ROBO2: variants seen among roughly 807,000 people sequenced by gnomAD.
ROBO2 encodes roundabout homolog 2.
A neutral mutation model predicts 160.8 loss-of-function variants in ROBO2; 53 were observed. The observed-to-expected ratio is 0.33, with a 90% CI of 0.26 to 0.41. ROBO2 has a LOEUF of 0.41. ROBO2 is among the 10% of genes least tolerant of loss of function. The pLI, the probability that ROBO2 is intolerant of heterozygous loss-of-function variation, is 1.00. For synonymous variants in ROBO2, 664 were observed against 611.7 expected (o/e 1.09, Z -1.26); for missense variants, 1,577 against 1,722.4 (o/e 0.92, Z 1.49).
Position 77,164,600 on chromosome 3 carries a change from T to C in ROBO2, c.388+66260T>C, listed in dbSNP as rs867291363. 1.6e-3 allele frequency among the ~76,000 whole-genome samples: 128 copies of C among 78,800 alleles called. 1 individual carries two copies. Among genetic ancestry groups the C allele is most frequent in the South Asian group, 3.4e-3 (8 of 2,350 alleles). The allele number at this position is 78,800 out of a possible 152,430, so 51.7% of individuals were successfully genotyped here. On this transcript the variant is annotated intron_variant, in intron 2 of 25. Coordinates refer to ENST00000461745, the Ensembl canonical transcript of ROBO2. The stretch of plus-strand genomic sequence containing the variant: ...GAGGTGAGGGGCGCCTCTGCCCGGC[T>C]GCCCCTACTGGGAAGTGAGGAGCCC...
At chr3:77,358,525 A>C (rs1463635392) in intron 2 of ROBO2, among the ~76,000 whole-genome samples, 1 of 152,232 alleles carries the variant, frequency 6.6e-6, no homozygotes, top group African/African-American at 2.4e-5. Context: ...CAGGAAAAAC[A>C]CAATAAGGCA....
intron 5 of ROBO2, among the ~76,000 whole-genome samples, chr3:77,503,397 G>T (rs371824426): frequency 2.0e-5 from 3 of 151,058 alleles, no homozygotes; most frequent in African/African-American, 7.3e-5. Flanking sequence ...TGGTGGCGGC[G>T]CCTGTAGTCC....
intron 2 of ROBO2, among the ~76,000 whole-genome samples, chr3:76,758,076 T>C (rs2061084984): frequency 6.6e-6 from 1 of 151,782 alleles, no homozygotes; most frequent in Admixed American, 6.6e-5. Flanking sequence ...AATATTTCAT[T>C]AAAGGCAGTT....
intron 2 of ROBO2, among the ~76,000 whole-genome samples, chr3:76,889,758 A>C (rs967509490): frequency 3.9e-5 from 6 of 152,222 alleles, no homozygotes; most frequent in African/African-American, 1.4e-4. Context: ...TAATTTTATA[A>C]GAAAATTGGA....
At position 76,450,019 on chromosome 3, in the gene ROBO2, C is replaced by T. The variant is rs77628337; in HGVS notation, c.109+512417C>T. ...TCTGATAATTGGAAAAGTCATTTAT[C>T]GAAATAATCTTCATCATCAAGAACA... On this transcript the variant is annotated intron_variant, in intron 2 of 26. Coordinates refer to the ROBO2 transcript ENST00000487694. Among the ~76,000 whole-genome samples the T allele has an allele frequency of 1.0e-3, 158 of 152,236 alleles. 3 individuals are homozygous for T. In the East Asian group the frequency reaches 0.021, roughly 21 times the overall value.
At chr3:77,583,587 T>A (rs1006525989) in intron 16 of ROBO2, among the ~76,000 whole-genome samples, 2 of 152,156 alleles carry the variant, frequency 1.3e-5, no homozygotes, top group African/African-American at 4.8e-5. Flanking sequence ...ATTAAGTCCA[T>A]ACACCTATTG....
intron 2 of ROBO2, among the ~76,000 whole-genome samples, chr3:76,761,343 A>G (rs1433043927): frequency 1.3e-5 from 2 of 151,728 alleles, no homozygotes; most frequent in Non-Finnish European, 2.9e-5. Context: ...GAGCATTTAC[A>G]TCTCCTTGCA....
At chr3:76,135,289 C>G (rs906765499) in intron 2 of ROBO2, among the ~76,000 whole-genome samples, 1 of 152,044 alleles carries the variant, frequency 6.6e-6, no homozygotes, top group Admixed American at 6.6e-5. Context: ...TTTTAATATA[C>G]CCGTCAAGGT....
intron 2 of ROBO2, among the ~76,000 whole-genome samples, chr3:76,948,874 TTATATATATATA>T (rs71104642): frequency 1.2e-4 from 6 of 48,616 alleles, no homozygotes; most frequent in Admixed American, 6.1e-4. Context: ...CCGGCTAATT[TTATATATATATA>T]TATATATATA....
intron 2 of ROBO2, among the ~76,000 whole-genome samples, chr3:77,109,995 A>G (rs1267529926): frequency 1.3e-5 from 2 of 152,234 alleles, no homozygotes; most frequent in East Asian, 1.9e-4. Flanking sequence ...GATTCCTGGG[A>G]TATGACGGAA....
chr3:76,259,256 C>T (rs934816745), intron 2 of ROBO2, among the ~76,000 whole-genome samples: 1 of 151,970 alleles, frequency 6.6e-6, no homozygotes, highest in Non-Finnish European at 1.5e-5. Context: ...TCAGAAATTA[C>T]AGTAAATTAA....
At chr3:76,050,532 A>G (rs1422432575) in intron 2 of ROBO2, among the ~76,000 whole-genome samples, 1 of 152,122 alleles carries the variant, frequency 6.6e-6, no homozygotes, top group Non-Finnish European at 1.5e-5. Flanking sequence ...CTATCCTATT[A>G]GTCCTGTCCC....
chr3:76,971,482 AGAT>A (rs1444947696), intron 2 of ROBO2, among the ~76,000 whole-genome samples: 2 of 152,182 alleles, frequency 1.3e-5, no homozygotes, highest in Non-Finnish European at 2.9e-5. Context: ...TTTATATGTC[AGAT>A]GATGTATTAA....
At chr3:76,113,336 A>C (rs2070322916) in intron 2 of ROBO2, among the ~76,000 whole-genome samples, 1 of 152,072 alleles carries the variant, frequency 6.6e-6, no homozygotes, top group Admixed American at 6.6e-5. Context: ...TAAAAATCTG[A>C]ATATTAATTT....
chr3:75,950,749 TC>T (rs1353967068), intron 2 of ROBO2, among the ~76,000 whole-genome samples: 1 of 152,012 alleles, frequency 6.6e-6, no homozygotes, highest in Admixed American at 6.6e-5. Flanking sequence ...TCCTCTCACT[TC>T]CCAAGGCTGT....
intron 2 of ROBO2, among the ~76,000 whole-genome samples, chr3:77,370,331 G>A (rs937505669): frequency 6.6e-6 from 1 of 152,154 alleles, no homozygotes; most frequent in Non-Finnish European, 1.5e-5. Context: ...CCTTACATTG[G>A]AGTCTCCTTA....
At chr3:77,031,709 T>A (rs1390483779) in intron 2 of ROBO2, among the ~76,000 whole-genome samples, 1 of 147,140 alleles carries the variant, frequency 6.8e-6, no homozygotes, top group African/African-American at 2.5e-5. Flanking sequence ...TAATACATTA[T>A]AATTATATTA....
chr3:77,596,953 A>G (rs113977265), intron 19 of ROBO2, among the ~76,000 whole-genome samples: 3 of 152,226 alleles, frequency 2.0e-5, no homozygotes, highest in African/African-American at 7.2e-5. Context: ...CTTGAGTAAA[A>G]CCAAACTTTT....
intron 2 of ROBO2, among the ~76,000 whole-genome samples, chr3:76,615,243 CT>C (rs2088486623): frequency 6.6e-6 from 1 of 151,932 alleles, no homozygotes; most frequent in African/African-American, 2.4e-5. Flanking sequence ...TATTATTTTG[CT>C]TTTGAAAATC....
Sources: gnomAD v4.1 joint callset for allele counts (sites outside exome capture counted in the v4.1 genomes callset) on GRCh38, gnomAD v4.1.1 for gene constraint, MANE v1.5 for transcripts, NCBI Gene and HGNC (gene_info 2026-07-23, HGNC 2026-07-21) for gene names.